Variants in KSR2 observed in about 807,000 individuals in gnomAD.
The protein encoded by KSR2 is kinase suppressor of ras 2.
Under a neutral mutation model 107.8 loss-of-function variants are expected in KSR2, and 25 were observed. The ratio of observed to expected loss-of-function variants is 0.23; its 90% CI spans 0.17 to 0.32. The LOEUF is 0.32. Ranked by LOEUF, KSR2 falls within the 10% of genes least tolerant of loss-of-function variation. The pLI is 1.00. For synonymous variants in KSR2, 480 were observed against 507.0 expected (o/e 0.95, Z 0.71); for missense variants, 887 against 1,268.9 (o/e 0.70, Z 4.57).
intron 1 of KSR2, among the ~76,000 whole-genome samples, chr12:117,967,536 C>CA (rs977177301): frequency 5.9e-5 from 9 of 151,368 alleles, no homozygotes; most frequent in African/African-American, 1.9e-4. Context: ...TGATTTAAAA[C>CA]AAAAAATCTA....
chr12:117,943,065 A>G (rs1223738890), intron 1 of KSR2, among the ~76,000 whole-genome samples: 1 of 152,182 alleles, frequency 6.6e-6, no homozygotes, highest in Non-Finnish European at 1.5e-5. Context: ...CATACCATAC[A>G]GTTACTCTTA....
intron 14 of KSR2, among the ~76,000 whole-genome samples, chr12:117,486,951 G>A (rs891554995): frequency 2.6e-5 from 4 of 152,022 alleles, no homozygotes; most frequent in Admixed American, 2.0e-4. Context: ...GGACTAACGG[G>A]TTAGAATCCT....
intron 7 of KSR2, among the ~76,000 whole-genome samples, chr12:117,577,509 T>C (rs1453173070): frequency 6.6e-6 from 1 of 152,176 alleles, no homozygotes; most frequent in African/African-American, 2.4e-5. Context: ...ATTATTATAT[T>C]AGTCTGTTTT....
At chr12:117,750,509 A>G (rs1888576285) in intron 4 of KSR2, among the ~76,000 whole-genome samples, 1 of 152,120 alleles carries the variant, frequency 6.6e-6, no homozygotes, top group Non-Finnish European at 1.5e-5. Flanking sequence ...TTATAATTTC[A>G]ACTTTCATTT....
chr12:117,490,456 A>T (rs1346409792), intron 14 of KSR2, among the ~76,000 whole-genome samples: 1 of 152,228 alleles, frequency 6.6e-6, no homozygotes, highest in Non-Finnish European at 1.5e-5. Flanking sequence ...TATCTCGTTG[A>T]TTCCAAAGAT....
At chr12:117,622,713 C>T (rs940908073) in intron 5 of KSR2, among the ~76,000 whole-genome samples, 4 of 152,132 alleles carry the variant, frequency 2.6e-5, no homozygotes, top group Admixed American at 6.5e-5. Flanking sequence ...GGATTTCCAG[C>T]ATCTTGAATT....
chr12:117,966,789 G>A (rs377651485), intron 1 of KSR2, among the ~76,000 whole-genome samples: 2 of 151,706 alleles, frequency 1.3e-5, no homozygotes, highest in African/African-American at 2.4e-5. Context: ...TACCCAAAGC[G>A]AATCCGAGAA....
At chr12:117,565,118 T>C (rs1464543318) in intron 7 of KSR2, among the ~76,000 whole-genome samples, 1 of 152,170 alleles carries the variant, frequency 6.6e-6, no homozygotes, top group Middle Eastern at 3.2e-3. Flanking sequence ...GTCATAAGCC[T>C]AGAGCCTGGC....
chr12:117,883,875 C>A (rs1304537345), intron 1 of KSR2, among the ~76,000 whole-genome samples: 446 of 93,634 alleles, frequency 4.8e-3, no homozygotes, highest in Middle Eastern at 0.014. Context: ...GTCTCCATCT[C>A]AAAAAAAAAA....
At chr12:117,652,133 A>T (rs996248818) in intron 5 of KSR2, among the ~76,000 whole-genome samples, 6 of 152,140 alleles carry the variant, frequency 3.9e-5, no homozygotes, top group Admixed American at 3.9e-4. Context: ...CATAAGAATG[A>T]TACAGTGGAC....
intron 5 of KSR2, 78 bp downstream of exon 5, chr12:117,667,396 G>T: frequency 7.4e-7 from 1 of 1,349,902 alleles, no homozygotes; most frequent in Non-Finnish European, 1.0e-6. Flanking sequence ...TTTGCACCTG[G>T]CACAGAGGAC....
intron 1 of KSR2, among the ~76,000 whole-genome samples, chr12:117,937,205 T>C (rs1440444585): frequency 1.3e-5 from 2 of 152,262 alleles, no homozygotes; most frequent in Admixed American, 1.3e-4. Flanking sequence ...GATCAAACAA[T>C]GACCAGCTTC....
chr12:117,741,075 A>C (rs531442677), intron 4 of KSR2, among the ~76,000 whole-genome samples: 1 of 152,330 alleles, frequency 6.6e-6, no homozygotes, highest in African/African-American at 2.4e-5. Context: ...ACATCCTAAG[A>C]AAGATGGGAA....
chr12:117,832,986 A>G (rs1287006355), intron 3 of KSR2, among the ~76,000 whole-genome samples: 22 of 152,154 alleles, frequency 1.4e-4, no homozygotes, highest in Admixed American at 6.5e-5. Context: ...TGGGCTCCCA[A>G]CAAATACCCT....
intron 4 of KSR2, among the ~76,000 whole-genome samples, chr12:117,676,094 C>T (rs140947432): frequency 1.3e-4 from 20 of 152,314 alleles, no homozygotes; most frequent in South Asian, 2.1e-4. Context: ...GCAGAGCTTA[C>T]GAGCTCTCGG....
intron 3 of KSR2, among the ~76,000 whole-genome samples, chr12:117,806,387 C>T (rs1308422294): frequency 2.0e-5 from 3 of 152,186 alleles, no homozygotes; most frequent in African/African-American, 7.2e-5. Context: ...AGGTGACTAA[C>T]TGCAACCAGG....
chr12:117,491,217 T>C (rs1326405248), intron 14 of KSR2, among the ~76,000 whole-genome samples: 1 of 152,228 alleles, frequency 6.6e-6, no homozygotes, highest in East Asian at 1.9e-4. Flanking sequence ...TCTCACTGTG[T>C]CACCCAGGCT....
rs563479178 is a variant in KSR2 at position 117,733,237 on chromosome 12, T to C, written c.986+27774A>G. On this transcript the variant is annotated intron_variant, in intron 4 of 19. Transcript: ENST00000339824. ...ACTCCAAAACAGCCCTTCCTAACCCTCCTGTCACCCCATGCCGTACCACAC... is the reference window on the plus strand; with the variant it reads ...ACTCCAAAACAGCCCTTCCTAACCCCCCTGTCACCCCATGCCGTACCACAC... Among the ~76,000 whole-genome samples, 6 of 152,090 alleles carry C rather than the reference T, an allele frequency of 3.9e-5. No homozygotes were observed. The South Asian group carries it at 1.2e-3, about 32-fold the overall frequency.
intron 4 of KSR2, among the ~76,000 whole-genome samples, chr12:117,730,772 G>A (rs550517412): frequency 1.3e-5 from 2 of 152,344 alleles, no homozygotes; most frequent in Admixed American, 6.5e-5. Flanking sequence ...GGCCTCCCGA[G>A]GTGCCGGGAT....
Sources: gnomAD v4.1 joint callset for allele counts (sites outside exome capture counted in the v4.1 genomes callset) on GRCh38, gnomAD v4.1.1 for gene constraint, MANE v1.5 for transcripts, NCBI Gene and HGNC (gene_info 2026-07-23, HGNC 2026-07-21) for gene names.